The following CTNND2 variants were observed in gnomAD, a reference collection of about 807,000 sequenced individuals.
The protein encoded by CTNND2 is catenin delta 2.
Under a neutral mutation model 144.4 loss-of-function variants are expected in CTNND2, and 22 were observed. The observed-to-expected ratio is 0.15, with a 90% confidence interval of 0.11 to 0.22. The LOEUF is 0.22. CTNND2 is among the 10% of genes least tolerant of loss of function. The pLI is 1.00. For missense variants in CTNND2, 1,353 were observed against 1,618.8 expected, an observed-to-expected ratio of 0.84 and a Z score of 2.82; for synonymous variants, 751 against 695.6, an observed-to-expected ratio of 1.08 and a Z score of -1.25.
intron 2 of CTNND2, among the ~76,000 whole-genome samples, chr5:11,648,973 G>A (rs540855252): frequency 2.8e-4 from 43 of 152,150 alleles, no homozygotes; most frequent in African/African-American, 2.7e-4. Flanking sequence ...ACATTTTTGC[G>A]TCTAAGAGAA....
At chr5:10,992,525 G>A (rs927152646) in intron 19 of CTNND2, 26 bp downstream of exon 19, 1 of 1,613,290 alleles carries the variant, frequency 6.2e-7, no homozygotes, top group Non-Finnish European at 8.5e-7. Context: ...ATAAAGCCTG[G>A]CTGGCTAGCC....
At chr5:11,465,582 A>G (rs982366081) in intron 3 of CTNND2, among the ~76,000 whole-genome samples, 1 of 152,190 alleles carries the variant, frequency 6.6e-6, no homozygotes, top group Non-Finnish European at 1.5e-5. Context: ...ATCACTATTG[A>G]CTGTGGTGTT....
intron 9 of CTNND2, among the ~76,000 whole-genome samples, chr5:11,290,975 T>C (rs1375175441): frequency 6.6e-6 from 1 of 152,176 alleles, no homozygotes; most frequent in Non-Finnish European, 1.5e-5. Context: ...TCACCTATAT[T>C]GGAGTCTTCA....
chr5:11,118,012 C>T (rs61753318), intron 12 of CTNND2, among the ~76,000 whole-genome samples: 3,412 of 152,328 alleles, frequency 0.022, 83 homozygotes, highest in African/African-American at 0.063. Context: ...CTTGGCCCAG[C>T]CAGAAGTAGA....
intron 2 of CTNND2, among the ~76,000 whole-genome samples, chr5:11,686,920 AC>A (rs1174039267): frequency 6.7e-6 from 1 of 150,300 alleles, no homozygotes; most frequent in Admixed American, 6.7e-5. Flanking sequence ...TAAAATATAG[AC>A]AAAAATAGAA....
At chr5:11,849,481 C>T (rs1794913958) in intron 1 of CTNND2, among the ~76,000 whole-genome samples, 1 of 152,180 alleles carries the variant, frequency 6.6e-6, no homozygotes, top group Non-Finnish European at 1.5e-5. Context: ...TTTCCTAGTA[C>T]TCCAGGTTAA....
chr5:11,786,124 C>T (rs1790818828), intron 1 of CTNND2, among the ~76,000 whole-genome samples: 1 of 152,194 alleles, frequency 6.6e-6, no homozygotes, highest in Non-Finnish European at 1.5e-5. Flanking sequence ...CAGGGCTGAG[C>T]TCTGGGTACC....
chr5:11,155,325 C>T (rs1758121750), intron 12 of CTNND2, among the ~76,000 whole-genome samples: 2 of 152,188 alleles, frequency 1.3e-5, no homozygotes, highest in South Asian at 4.1e-4. Context: ...ATTCATTTCC[C>T]TGGAGGACTC....
chr5:11,258,073 C>T (rs1251044693), intron 9 of CTNND2, among the ~76,000 whole-genome samples: 1 of 152,204 alleles, frequency 6.6e-6, no homozygotes, highest in Non-Finnish European at 1.5e-5. Flanking sequence ...CTCTGAAAGT[C>T]AGATCCTTTC....
intron 16 of CTNND2, among the ~76,000 whole-genome samples, chr5:11,070,553 AAATAT>A (rs2149610877): frequency 6.6e-6 from 1 of 152,320 alleles, no homozygotes; most frequent in African/African-American, 2.4e-5. Flanking sequence ...GGGGTAGAGG[AAATAT>A]AATAATCAAT....
chr5:11,691,830 G>A (rs558737108), intron 2 of CTNND2, among the ~76,000 whole-genome samples: 12 of 152,188 alleles, frequency 7.9e-5, no homozygotes, highest in Non-Finnish European at 1.5e-4. Context: ...GTTACAGGCT[G>A]CAGTAAGCTA....
At chr5:11,816,528 A>C (rs1792670514) in intron 1 of CTNND2, among the ~76,000 whole-genome samples, 1 of 149,328 alleles carries the variant, frequency 6.7e-6, no homozygotes, top group Non-Finnish European at 1.5e-5. Context: ...GGCTGGTGTT[A>C]GCATAACGGT....
At chr5:11,546,439 A>C (rs1177122930) in intron 3 of CTNND2, among the ~76,000 whole-genome samples, 2 of 152,030 alleles carry the variant, frequency 1.3e-5, no homozygotes, top group African/African-American at 2.4e-5. Context: ...TTTTAGAAGA[A>C]GACACAATAC....
At chr5:11,805,732 C>T (rs113508960) in intron 1 of CTNND2, among the ~76,000 whole-genome samples, 1,768 of 152,166 alleles carry the variant, frequency 0.012, 24 homozygotes, top group South Asian at 0.064. Context: ...CAACAAATCT[C>T]CCATGCAGAA....
chr5:11,627,996 G>A (rs758677083), intron 2 of CTNND2, among the ~76,000 whole-genome samples: 32 of 151,786 alleles, frequency 2.1e-4, no homozygotes, highest in Non-Finnish European at 3.8e-4. Context: ...AGCTTGGCTC[G>A]CTCACCCACA....
chr5:11,851,108 G>A (rs140557251), intron 1 of CTNND2, among the ~76,000 whole-genome samples: 31 of 152,228 alleles, frequency 2.0e-4, no homozygotes, highest in African/African-American at 7.2e-4. Context: ...CCGGCCTACT[G>A]GCCTGTCCCA....
Position 11,082,733 on chromosome 5 carries a change from C to A in CTNND2, c.2751G>T (p.Arg917=). 1 of 1,614,158 alleles carries A rather than the reference C, an allele frequency of 6.2e-7. No individual in the cohort carries two copies. Among genetic ancestry groups the A allele is most frequent in the East Asian group, 2.2e-5 (1 of 44,876 alleles). Residue 917 remains arginine, a synonymous_variant, in exon 16 of 22, where the codon CGG becomes CGT. Coordinates refer to ENST00000304623, the MANE Select transcript of CTNND2 (RefSeq NM_001332.4). Reference sequence around the variant, plus strand: ...TATTTCTGACGTCCAAGGCCATGTTCCGCAGCGCAGTGGCCACCGCGCACA... The same window carrying A: ...TATTTCTGACGTCCAAGGCCATGTTACGCAGCGCAGTGGCCACCGCGCACA... ...RVVCAVATAL[R]NMALDVRNKE...
At chr5:11,777,262 C>T (rs908824175) in intron 1 of CTNND2, among the ~76,000 whole-genome samples, 8 of 152,188 alleles carry the variant, frequency 5.3e-5, no homozygotes, top group Admixed American at 3.3e-4. Flanking sequence ...ATCAACAGGA[C>T]GTTTGTACAC....
At chr5:11,470,726 C>A (rs866848065) in intron 3 of CTNND2, among the ~76,000 whole-genome samples, 1 of 151,776 alleles carries the variant, frequency 6.6e-6, no homozygotes, top group Non-Finnish European at 1.5e-5. Context: ...TTTTCAATGA[C>A]CCTGACGGTT....
Sources: gnomAD v4.1 joint callset for allele counts (sites outside exome capture counted in the v4.1 genomes callset) on GRCh38, gnomAD v4.1.1 for gene constraint, MANE v1.5 for transcripts, NCBI Gene and HGNC (gene_info 2026-07-23, HGNC 2026-07-21) for gene names.